TAOK1: variants seen among roughly 807,000 people sequenced by gnomAD.
TAOK1 encodes serine/threonine-protein kinase TAO1.
TAOK1 carries 21 observed loss-of-function variants against 138.3 expected under a neutral mutation model. The observed-to-expected ratio is 0.15, with a 90% CI of 0.11 to 0.22. TAOK1 has a LOEUF of 0.22. TAOK1 is among the 10% of genes least tolerant of loss of function. The pLI, the probability that TAOK1 is intolerant of heterozygous loss-of-function variation, is 1.00. For missense variants in TAOK1, 651 were observed against 1,227.7 expected (o/e 0.53, Z 7.02); for synonymous variants, 361 against 398.4 (o/e 0.91, Z 1.12).
intron 3 of TAOK1, among the ~76,000 whole-genome samples, chr17:29,473,548 A>G (rs1259539440): frequency 1.3e-5 from 2 of 151,356 alleles, no homozygotes; most frequent in African/African-American, 2.4e-5. Context: ...GTAGTGAGCC[A>G]AGATCATGCC....
At chr17:29,417,412 G>A (rs1905294778) in intron 1 of TAOK1, among the ~76,000 whole-genome samples, 1 of 152,146 alleles carries the variant, frequency 6.6e-6, no homozygotes, top group Non-Finnish European at 1.5e-5. Flanking sequence ...TGTAGGTTTT[G>A]CAGATACGTT....
chr17:29,464,707 A>C (rs1388365643), intron 2 of TAOK1, among the ~76,000 whole-genome samples: 13 of 151,872 alleles, frequency 8.6e-5, no homozygotes, highest in African/African-American at 1.2e-4. Flanking sequence ...GATCTACTTC[A>C]CCCTTTACAG....
intron 9 of TAOK1, among the ~76,000 whole-genome samples, chr17:29,490,967 G>A (rs2031285107): frequency 6.6e-6 from 1 of 152,086 alleles, no homozygotes. Context: ...ACTCGCATTA[G>A]GCCCCACCTC....
At position 29,494,817 on chromosome 17, in the gene TAOK1, C is replaced by A. The variant is rs1598506364; in HGVS notation, c.832-743C>A. Among the ~76,000 whole-genome samples the A allele has an allele frequency of 3.8e-5, 5 of 132,214 alleles. No individual in the cohort carries two copies. The South Asian group carries it at 1.2e-3, about 32-fold the overall frequency. 86.7% of individuals were successfully genotyped at this position (132,214 alleles called of 152,430 possible). On this transcript the variant is annotated intron_variant, in intron 10 of 19. Coordinates refer to ENST00000261716, the MANE Select transcript of TAOK1 (RefSeq NM_020791.4). ...CTCCAGCCTGGGCAACAGAGGGAGA[C>A]TCCGTCTCAAAAAAAAAAAAAAAAA...
intron 13 of TAOK1, among the ~76,000 whole-genome samples, chr17:29,504,221 G>T (rs1473354695): frequency 7.4e-6 from 1 of 134,710 alleles, no homozygotes; most frequent in Non-Finnish European, 1.5e-5. Context: ...AGGTTGCAGT[G>T]AGCCGAGATC....
At chr17:29,437,692 G>T (rs1906075886) in intron 1 of TAOK1, among the ~76,000 whole-genome samples, 1 of 151,128 alleles carries the variant, frequency 6.6e-6, no homozygotes, top group Admixed American at 6.6e-5. Context: ...TTCTGATAAA[G>T]TGAAGGAGTA....
chr17:29,434,385 G>C (rs898501087), intron 1 of TAOK1, among the ~76,000 whole-genome samples: 2 of 152,108 alleles, frequency 1.3e-5, no homozygotes, highest in Non-Finnish European at 2.9e-5. Context: ...CATTTGAAAG[G>C]GGTACAGATT....
intron 17 of TAOK1, among the ~76,000 whole-genome samples, chr17:29,522,941 G>A (rs1283110298): frequency 6.6e-6 from 1 of 151,958 alleles, no homozygotes; most frequent in African/African-American, 2.4e-5. Context: ...TGGGTGTGGC[G>A]GCACATGCCT....
At chr17:29,427,941 A>G (rs975683752) in intron 1 of TAOK1, among the ~76,000 whole-genome samples, 4 of 148,168 alleles carry the variant, frequency 2.7e-5, no homozygotes, top group Non-Finnish European at 4.5e-5. Flanking sequence ...AAAAAAAAAA[A>G]AAGAAGAATA....
chr17:29,440,463 C>T (rs1177529616), intron 1 of TAOK1, among the ~76,000 whole-genome samples: 3 of 151,858 alleles, frequency 2.0e-5, no homozygotes, highest in Non-Finnish European at 1.5e-5. Flanking sequence ...GTAGAGGTAC[C>T]ATATGAGCTT....
intron 1 of TAOK1, among the ~76,000 whole-genome samples, chr17:29,395,472 AGT>A (rs1286063089): frequency 3.3e-5 from 5 of 152,188 alleles, no homozygotes; most frequent in Non-Finnish European, 5.9e-5. Flanking sequence ...TGGAGGTTAC[AGT>A]GAGTTGAGAT....
At chr17:29,420,868 C>T (rs62066573) in intron 1 of TAOK1, among the ~76,000 whole-genome samples, 11 of 152,106 alleles carry the variant, frequency 7.2e-5, no homozygotes, top group Non-Finnish European at 1.2e-4. Flanking sequence ...AGGTGTGAGC[C>T]ACCGCGCCCA....
At position 29,451,621 on chromosome 17, in the gene TAOK1, GAGA is replaced by G; in HGVS notation, c.76_78del (p.Lys26del). On this transcript the variant is annotated inframe_deletion, in exon 2 of 20. Transcript: ENST00000261716. ...AGAGCTCTTCTTCAAAGAAGATCCA[GAGA>G]AGCTCTTCACAGATCTCAGAGAAAT... is the stretch of plus-strand genomic sequence containing the variant. 1 of 1,614,048 alleles carries G rather than the reference GAGA, an allele frequency of 6.2e-7. No individual in the cohort carries two copies. Among genetic ancestry groups the G allele is most frequent in the Non-Finnish European group, 8.5e-7 (1 of 1,179,990 alleles).
chr17:29,522,933 G>C (rs911023163), intron 17 of TAOK1, among the ~76,000 whole-genome samples: 1 of 152,034 alleles, frequency 6.6e-6, no homozygotes, highest in Non-Finnish European at 1.5e-5. Context: ...AAATTAGTTG[G>C]GTGTGGCGGC....
chr17:29,434,477 G>A lies in TAOK1; in HGVS notation c.-94-16978G>A, dbSNP rs189617917. ...TTTTCCTAGCATATACTCAGGATACGTGAGAGTGAGAGGAAAGAGTGTCCT... is the reference window on the plus strand; with the variant it reads ...TTTTCCTAGCATATACTCAGGATACATGAGAGTGAGAGGAAAGAGTGTCCT... On this transcript the variant is annotated intron_variant, in intron 1 of 19. Coordinates refer to ENST00000261716, the MANE Select transcript of TAOK1 (RefSeq NM_020791.4). Among the ~76,000 whole-genome samples the A allele has an allele frequency of 5.3e-5, 8 of 152,256 alleles. No individual in the cohort carries two copies. In the East Asian group the frequency reaches 1.4e-3, roughly 26 times the overall value.
In TAOK1 at chr17:29,395,877, A is replaced by G. The variant is rs1043968321; in HGVS notation, c.-95+4853A>G. 2.7e-5 allele frequency among the ~76,000 whole-genome samples: 3 copies of G among 112,210 alleles called. No individual in the cohort carries two copies. In the South Asian group the frequency reaches 8.8e-4, roughly 33 times the overall value. 73.6% of individuals were successfully genotyped at this position (112,210 alleles called of 152,430 possible). On this transcript the variant is annotated intron_variant, in intron 1 of 19. Transcript: ENST00000261716. ...GAGATGGGGTTTTGCCATGTTGCCC[A>G]GGCTGGTCTTGAACTCCTCAGCTCC...
At chr17:29,429,536 A>G (rs1468666241) in intron 1 of TAOK1, among the ~76,000 whole-genome samples, 1 of 152,182 alleles carries the variant, frequency 6.6e-6, no homozygotes, top group Non-Finnish European at 1.5e-5. Context: ...TCAGCCTCCC[A>G]AAATGCTGGG....
At chr17:29,473,265 G>A (rs1382148276) in intron 3 of TAOK1, among the ~76,000 whole-genome samples, 7 of 152,150 alleles carry the variant, frequency 4.6e-5, no homozygotes, top group African/African-American at 1.7e-4. Context: ...TTTGAAACCA[G>A]GCATTTCATA....
At chr17:29,472,854 G>A (rs1300244658) in intron 3 of TAOK1, among the ~76,000 whole-genome samples, 1 of 152,232 alleles carries the variant, frequency 6.6e-6, no homozygotes, top group Non-Finnish European at 1.5e-5. Context: ...GGGATTACAG[G>A]CGTGAGCCAC....
Sources: allele counts gnomAD v4.1 joint callset (sites outside exome capture counted in the v4.1 genomes callset), GRCh38; gene constraint gnomAD v4.1.1; transcripts MANE v1.5; gene names NCBI Gene and HGNC (gene_info 2026-07-23, HGNC 2026-07-21).